CHTF8: variants seen among roughly 807,000 people sequenced by gnomAD.
The protein encoded by CHTF8 is chromosome transmission fidelity protein 8 homolog.
A neutral mutation model predicts 11.0 loss-of-function variants in CHTF8; 6 were observed. The ratio of observed to expected loss-of-function variants is 0.55; its 90% confidence interval spans 0.30 to 1.08. CHTF8 has a LOEUF of 1.08. Ranked by LOEUF, CHTF8 falls within the 50% of genes least tolerant of loss-of-function variation. The pLI, the probability that CHTF8 is intolerant of heterozygous loss-of-function variation, is 0.07. For synonymous variants in CHTF8, 53 were observed against 60.5 expected (o/e 0.88, Z 0.57); for missense variants, 140 against 153.1 (o/e 0.91, Z 0.45).
intron 1 of CHTF8, among the ~76,000 whole-genome samples, chr16:69,126,362 G>A (rs551650783): frequency 4.6e-5 from 7 of 152,152 alleles, no homozygotes; most frequent in Admixed American, 6.6e-5. Context: ...CAATGGTGTC[G>A]AAAACACATT....
At position 69,118,309 on chromosome 16, in the gene CHTF8, G is replaced by C. The variant is rs1295447507; in HGVS notation, c.*2116C>G. 9.3e-6 allele frequency: 11 copies of C among 1,188,780 alleles called. No homozygotes were observed. The highest frequency in any genetic ancestry group is 2.5e-6 in the Non-Finnish European group (2 of 792,416). 73.6% of individuals were successfully genotyped at this position (1,188,780 alleles called of 1,614,324 possible). A position where few individuals can be genotyped will look rare whatever the true frequency, so the allele number is the denominator to read the frequency against. ...AGTCAAGCAGAAACTGCATTCGGTG[G>C]GTCTTTCTTTGAAGTGGTTGTCCAT... On this transcript the variant is annotated 3_prime_UTR_variant, in exon 4 of 4. Coordinates refer to ENST00000448552, the MANE Select transcript of CHTF8 (RefSeq NM_001039690.5).
At chr16:69,124,404 C>T (rs1393814193) in intron 1 of CHTF8, among the ~76,000 whole-genome samples, 6 of 152,008 alleles carry the variant, frequency 3.9e-5, no homozygotes, top group African/African-American at 9.7e-5. Context: ...AGCAAACACC[C>T]GATTAAAATG....
At position 69,129,845 on chromosome 16, in the gene CHTF8, C is replaced by G. The variant is rs188114983; in HGVS notation, c.-36+2639G>C. ...ATGGAAAGACCTTGTAACTTGCCACCAAAGTATTATATCTGTGGGGTAGGC... is the reference window on the plus strand; with the variant it reads ...ATGGAAAGACCTTGTAACTTGCCACGAAAGTATTATATCTGTGGGGTAGGC... On this transcript the variant is annotated intron_variant, in intron 1 of 3. Transcript: ENST00000448552. Among the ~76,000 whole-genome samples the G allele has an allele frequency of 1.3e-3, 192 of 152,288 alleles. 2 individuals carry two copies. The highest frequency in any genetic ancestry group is 6.8e-3 in the Middle Eastern group (2 of 294).
chr16:69,120,327 C>G lies in CHTF8; in HGVS notation c.*98G>C. ...GGTGGCCTGTGTTCAGAACAGGACC[C>G]CCCTGTGGTCCCAGGGAACCGTCGA... On this transcript the variant is annotated 3_prime_UTR_variant, in exon 4 of 4. Coordinates refer to ENST00000448552, the MANE Select transcript of CHTF8 (RefSeq NM_001039690.5). The surrounding 1 kb of genome is among the most constrained non-coding windows in gnomAD (Gnocchi z 4.0). 8.5e-7 allele frequency: 1 copy of G among 1,170,768 alleles called. No individual in the cohort carries two copies. The highest frequency in any genetic ancestry group is 1.3e-6 in the Non-Finnish European group (1 of 785,074). 72.5% of individuals were successfully genotyped at this position (1,170,768 alleles called of 1,614,324 possible). A position where few individuals can be genotyped will look rare whatever the true frequency, so the allele number is the denominator to read the frequency against.
Position 69,120,944 on chromosome 16 carries a change from G to C in CHTF8, c.141+109C>G, listed in dbSNP as rs1961605960. The C allele has an allele frequency of 1.1e-6, 1 of 910,324 alleles. No individual in the cohort carries two copies. The allele number at this position is 910,324 out of a possible 1,614,324, so 56.4% of individuals were successfully genotyped here. A position where few individuals can be genotyped will look rare whatever the true frequency, so the allele number is the denominator to read the frequency against. On this transcript the variant is annotated intron_variant, in intron 3 of 3. Coordinates refer to ENST00000448552, the MANE Select transcript of CHTF8 (RefSeq NM_001039690.5). The surrounding 1 kb of genome is among the most constrained non-coding windows in gnomAD (Gnocchi z 4.0). ...AGCAGAGAGCATCGCAGATTAGCTA[G>C]GCCTTGAATAACAAACCTGAGGCAG...
At chr16:69,122,126 T>C (rs1313235265) in intron 1 of CHTF8, among the ~76,000 whole-genome samples, 2 of 152,190 alleles carry the variant, frequency 1.3e-5, no homozygotes, top group African/African-American at 4.8e-5. Context: ...TAGGTACTTT[T>C]CTAAGTCCTT....
Position 69,119,042 on chromosome 16 carries a change from G to A in CHTF8, c.*1383C>T. The A allele has an allele frequency of 1.4e-6, 1 of 703,068 alleles. No individual in the cohort carries two copies. Among genetic ancestry groups the A allele is most frequent in the Non-Finnish European group, 2.6e-6 (1 of 385,032 alleles). 43.6% of individuals were successfully genotyped at this position (703,068 alleles called of 1,614,324 possible). A position where few individuals can be genotyped will look rare whatever the true frequency, so the allele number is the denominator to read the frequency against. On this transcript the variant is annotated 3_prime_UTR_variant, in exon 4 of 4. Coordinates refer to ENST00000448552, the MANE Select transcript of CHTF8 (RefSeq NM_001039690.5). ...AGGGTCCCAGTTGGCCTTGTGAAAG[G>A]AGCTGGGTTGATACCCACAGGGCCA...
chr16:69,128,316 G>A (rs1016168388), intron 1 of CHTF8, among the ~76,000 whole-genome samples: 3 of 152,186 alleles, frequency 2.0e-5, no homozygotes, highest in Non-Finnish European at 4.4e-5. Flanking sequence ...TGCAGAGCCA[G>A]GGAGAGACTT....
chr16:69,125,702 TA>T (rs1962014975), intron 1 of CHTF8, among the ~76,000 whole-genome samples: 1 of 152,220 alleles, frequency 6.6e-6, no homozygotes, highest in African/African-American at 2.4e-5. Flanking sequence ...GCCCCACCAC[TA>T]CTCTCAACAG....
rs1483180104 is a variant in CHTF8, at chr16:69,119,056, C to G, written c.*1369G>C. The G allele has an allele frequency of 4.3e-6, 3 of 703,070 alleles. No individual in the cohort carries two copies. Among genetic ancestry groups the G allele is most frequent in the South Asian group, 1.5e-5 (1 of 67,600 alleles). The allele number at this position is 703,070 out of a possible 1,614,324, so 43.6% of individuals were successfully genotyped here. A position where few individuals can be genotyped will look rare whatever the true frequency, so the allele number is the denominator to read the frequency against. The stretch of plus-strand genomic sequence containing the variant: ...CCTTGTGAAAGGAGCTGGGTTGATA[C>G]CCACAGGGCCAGCTGGAGAAGGGCC... On this transcript the variant is annotated 3_prime_UTR_variant, in exon 4 of 4. Coordinates refer to ENST00000448552, the MANE Select transcript of CHTF8 (RefSeq NM_001039690.5).
In CHTF8 at chr16:69,120,077, G is replaced by A. The variant is rs767129585; in HGVS notation, c.*348C>T. ...CCTGGGCCTGGGCCTGGCCCCAAGA[G>A]GCCACCAGGCCTTGGGAAAGAAACT... On this transcript the variant is annotated 3_prime_UTR_variant, in exon 4 of 4. Coordinates refer to ENST00000448552, the MANE Select transcript of CHTF8 (RefSeq NM_001039690.5). This position sits in a 1 kb window ranked among gnomAD's most constrained non-coding sequence, Gnocchi z 4.0. 1.4e-6 allele frequency: 1 copy of A among 692,824 alleles called. No homozygotes were observed. 42.9% of individuals were successfully genotyped at this position (692,824 alleles called of 1,614,324 possible).
Position 69,118,433 on chromosome 16 carries a change from C to G in CHTF8, c.*1992G>C, listed in dbSNP as rs779608930. On this transcript the variant is annotated 3_prime_UTR_variant, in exon 4 of 4. Coordinates refer to ENST00000448552, the MANE Select transcript of CHTF8 (RefSeq NM_001039690.5). ...CAGAGCTACGGAAGCATGGTCCGTT[C>G]ACCAACGCCACGTTTCTAGAGAGCA... 5.0e-6 allele frequency: 8 copies of G among 1,610,920 alleles called. No individual in the cohort carries two copies. The highest frequency in any genetic ancestry group is 6.8e-6 in the Non-Finnish European group (8 of 1,177,198).
At chr16:69,132,420 G>A in intron 1 of CHTF8, 64 bp downstream of exon 1, 1 of 159,558 alleles carries the variant, frequency 6.3e-6, no homozygotes, top group Non-Finnish European at 1.3e-5. Flanking sequence ...TCGCGCCCTC[G>A]CCCCCAATCC....
chr16:69,118,754 C>T lies in CHTF8; in HGVS notation c.*1671G>A. ...TTTGAACTTGAGCCCAAGCTATGTT[C>T]TTCAGACTGTAGCTCCACAACTACC... On this transcript the variant is annotated 3_prime_UTR_variant, in exon 4 of 4. Transcript: ENST00000448552. The T allele has an allele frequency of 3.1e-6, 2 of 639,752 alleles. No individual in the cohort carries two copies. Among genetic ancestry groups the T allele is most frequent in the South Asian group, 3.6e-5 (2 of 55,038 alleles). The allele number at this position is 639,752 out of a possible 1,614,324, so 39.6% of individuals were successfully genotyped here. A position where few individuals can be genotyped will look rare whatever the true frequency, so the allele number is the denominator to read the frequency against.
At chr16:69,128,486 G>A (rs1412394977) in intron 1 of CHTF8, among the ~76,000 whole-genome samples, 3 of 152,148 alleles carry the variant, frequency 2.0e-5, no homozygotes, top group Non-Finnish European at 2.9e-5. Flanking sequence ...CCAATCTCAT[G>A]AGGAGGGAAA....
chr16:69,118,894 G>A lies in CHTF8; in HGVS notation c.*1531C>T. ...TCCATTTGGGTACATTGCAGCCATT[G>A]GACCCCCTGGTCTGGGGAAAGCAGC... On this transcript the variant is annotated 3_prime_UTR_variant, in exon 4 of 4. Coordinates refer to ENST00000448552, the MANE Select transcript of CHTF8 (RefSeq NM_001039690.5). 1.4e-6 allele frequency: 1 copy of A among 703,080 alleles called. No homozygotes were observed. Among genetic ancestry groups the A allele is most frequent in the Admixed American group, 2.0e-5 (1 of 50,018 alleles). The allele number at this position is 703,080 out of a possible 1,614,324, so 43.6% of individuals were successfully genotyped here. A position where few individuals can be genotyped will look rare whatever the true frequency, so the allele number is the denominator to read the frequency against.
At chr16:69,121,519 G>T in intron 1 of CHTF8, 26 bp from the exon 2 acceptor site, 1 of 1,427,766 alleles carries the variant, frequency 7.0e-7, no homozygotes, top group South Asian at 1.2e-5. Flanking sequence ...AAGAGATTTA[G>T]GGTAATAACA....
chr16:69,128,446 T>C (rs1487883492), intron 1 of CHTF8, among the ~76,000 whole-genome samples: 1 of 152,152 alleles, frequency 6.6e-6, no homozygotes, highest in African/African-American at 2.4e-5. Flanking sequence ...AAACCAAACC[T>C]TTCCCTGCAA....
intron 1 of CHTF8, 76 bp from the exon 2 acceptor site, chr16:69,121,569 C>G: frequency 1.1e-6 from 1 of 874,010 alleles, no homozygotes; most frequent in Non-Finnish European, 1.8e-6. Flanking sequence ...CCTCCACCTC[C>G]CGGGTTCAAT....
Sources: gnomAD v4.1 joint callset for allele counts (sites outside exome capture counted in the v4.1 genomes callset) on GRCh38, gnomAD v4.1.1 for gene constraint, Gnocchi (gnomAD v3.1) non-coding constraint, MANE v1.5 for transcripts, NCBI Gene and HGNC (gene_info 2026-07-23, HGNC 2026-07-21) for gene names.